The following COPZ1 variants were observed in gnomAD, a reference collection of about 807,000 sequenced individuals.
COPZ1 encodes the protein coatomer subunit zeta-1.
COPZ1 carries 4 observed loss-of-function variants against 31.7 expected under a neutral mutation model. The ratio of observed to expected loss-of-function variants is 0.13; its 90% CI spans 0.06 to 0.29. COPZ1 has a LOEUF of 0.29. Ranked by LOEUF, COPZ1 falls within the 10% of genes least tolerant of loss-of-function variation. The pLI, the probability that COPZ1 is intolerant of heterozygous loss-of-function variation, is 1.00. For missense variants in COPZ1, 156 were observed against 211.5 expected, an observed-to-expected ratio of 0.74 and a Z score of 1.63; for synonymous variants, 74 against 79.0, an observed-to-expected ratio of 0.94 and a Z score of 0.33.
Position 54,346,473 on chromosome 12 carries a change from A to G in COPZ1, c.317+958A>G, listed in dbSNP as rs1376489917. ...TTTTTAGTGGAGACAGGGTTTTACCATGTTGGCCAGGCTGGTCTTGAACTC... is the reference window on the plus strand; with the variant it reads ...TTTTTAGTGGAGACAGGGTTTTACCGTGTTGGCCAGGCTGGTCTTGAACTC... On this transcript the variant is annotated intron_variant, in intron 5 of 8. Transcript: ENST00000262061. 2.3e-5 allele frequency: 12 copies of G among 520,790 alleles called. No homozygotes were observed. In the Middle Eastern group the frequency reaches 1.5e-3, roughly 63 times the overall value. The allele number at this position is 520,790 out of a possible 1,614,324, so 32.3% of individuals were successfully genotyped here. A position where few individuals can be genotyped will look rare whatever the true frequency, so the allele number is the denominator to read the frequency against.
chr12:54,331,327 C>T (rs1953750347), intron 1 of COPZ1, among the ~76,000 whole-genome samples: 1 of 151,824 alleles, frequency 6.6e-6, no homozygotes, highest in Admixed American at 6.6e-5. Context: ...ATTACAGGCC[C>T]CCACCACCAT....
At chr12:54,342,649 A>T (rs545279975) in intron 3 of COPZ1, 2 of 245,792 alleles carry the variant, frequency 8.1e-6, no homozygotes, top group East Asian at 2.2e-4. Context: ...ATCCTGTCTC[A>T]TATACAAGTA....
At chr12:54,336,498 C>T (rs1321721993) in intron 1 of COPZ1, among the ~76,000 whole-genome samples, 1 of 151,716 alleles carries the variant, frequency 6.6e-6, no homozygotes, top group Non-Finnish European at 1.5e-5. Flanking sequence ...GATCGTGCCA[C>T]TGCACTCCAG....
intron 3 of COPZ1, 55 bp downstream of exon 3, chr12:54,342,342 G>T: frequency 1.5e-6 from 2 of 1,318,134 alleles, no homozygotes; most frequent in South Asian, 2.3e-5. Flanking sequence ...TGGTGGAAAG[G>T]GGGTGGTAAC....
intron 7 of COPZ1, 138 bp from the exon 8 acceptor site, chr12:54,349,482 A>G: frequency 1.3e-6 from 1 of 767,286 alleles, no homozygotes. Context: ...ACTAGTCCCT[A>G]GAAGGGACTG....
At chr12:54,340,682 A>T in intron 2 of COPZ1, 67 bp downstream of exon 2, 6 of 1,471,740 alleles carry the variant, frequency 4.1e-6, no homozygotes, top group Non-Finnish European at 5.6e-6. Flanking sequence ...GAATCTTGGG[A>T]CTGATACCTT....
rs759227001 is a variant in COPZ1 at position 54,349,640 on chromosome 12, G to A, written c.468G>A (p.Thr156=). ...VALRGEDVPL[T]EQTVSQVLQS... The stretch of plus-strand genomic sequence containing the variant: ...CATAGGGTGAAGATGTCCCCCTTAC[G>A]GAGCAGACCGTGTCTCAGGTATGAC... The change falls in exon 8 of 9, where the codon ACG becomes ACA. Residue 156 remains threonine, a synonymous_variant. Coordinates refer to ENST00000262061, the MANE Select transcript of COPZ1 (RefSeq NM_016057.3). 3.1e-6 allele frequency: 5 copies of A among 1,612,996 alleles called. No individual in the cohort carries two copies. Among genetic ancestry groups the A allele is most frequent in the East Asian group, 4.5e-5 (2 of 44,894 alleles).
At chr12:54,340,523 G>T in intron 1 of COPZ1, 24 bp from the exon 2 acceptor site, 3 of 1,613,770 alleles carry the variant, frequency 1.9e-6, no homozygotes, top group Non-Finnish European at 2.5e-6. Context: ...CTTCAGGACT[G>T]AAGGTATGTT....
Position 54,350,611 on chromosome 12 carries a change from CAG to C in COPZ1, c.*89_*90del. ...CATCTAGTTCCCCAATCGATGCTCT[CAG>C]GGTCATCTCGGGGATCACAGGGATC... On this transcript the variant is annotated 3_prime_UTR_variant, in exon 9 of 9. Transcript: ENST00000262061. 9.3e-7 allele frequency: 1 copy of C among 1,074,228 alleles called. No individual in the cohort carries two copies. The highest frequency in any genetic ancestry group is 1.2e-5 in the South Asian group (1 of 80,180). 66.5% of individuals were successfully genotyped at this position (1,074,228 alleles called of 1,614,324 possible). A position where few individuals can be genotyped will look rare whatever the true frequency, so the allele number is the denominator to read the frequency against.
At chr12:54,345,181 C>T (rs1404841369) in intron 4 of COPZ1, 1 of 382,710 alleles carries the variant, frequency 2.6e-6, no homozygotes, top group Non-Finnish European at 4.9e-6. Context: ...TCAGGTAACA[C>T]ATATACAGTT....
intron 6 of COPZ1, 40 bp from the exon 7 acceptor site, chr12:54,347,960 C>T (rs550295206): frequency 5.2e-5 from 84 of 1,611,388 alleles, no homozygotes; most frequent in South Asian, 9.9e-5. Context: ...GTTGGGCCTT[C>T]GGGACAGAGT....
chr12:54,338,883 G>C (rs771665307), intron 1 of COPZ1, among the ~76,000 whole-genome samples: 4 of 152,124 alleles, frequency 2.6e-5, no homozygotes, highest in Non-Finnish European at 4.4e-5. Context: ...CCGCAAACAG[G>C]GTTGATTCTT....
chr12:54,334,205 C>G (rs907794257), intron 1 of COPZ1, among the ~76,000 whole-genome samples: 4 of 151,446 alleles, frequency 2.6e-5, no homozygotes, highest in African/African-American at 9.7e-5. Context: ...ACCAGCTTGG[C>G]CAACATGGCG....
At position 54,350,162 on chromosome 12, in the gene COPZ1, A is replaced by G. The variant is rs370770153; in HGVS notation, c.487-314A>G. ...ACTTGGAATTCTCACCAAGAAGTCCATCTGGATTTGTTACCCGCCCCCTGC... is the reference window on the plus strand; with the variant it reads ...ACTTGGAATTCTCACCAAGAAGTCCGTCTGGATTTGTTACCCGCCCCCTGC... On this transcript the variant is annotated intron_variant, in intron 8 of 8. Coordinates refer to ENST00000262061, the MANE Select transcript of COPZ1 (RefSeq NM_016057.3). 1.8e-5 allele frequency: 12 copies of G among 673,876 alleles called. No individual in the cohort carries two copies. The African/African-American group carries it at 1.8e-4, about 10-fold the overall frequency. The allele number at this position is 673,876 out of a possible 1,614,324, so 41.7% of individuals were successfully genotyped here.
At chr12:54,338,395 G>A (rs1043562896) in intron 1 of COPZ1, among the ~76,000 whole-genome samples, 5 of 152,162 alleles carry the variant, frequency 3.3e-5, no homozygotes, top group Non-Finnish European at 7.3e-5. Flanking sequence ...GCTTCTACTT[G>A]TGACCTTTTA....
intron 8 of COPZ1, 73 bp from the exon 9 acceptor site, chr12:54,350,403 A>C: frequency 1.4e-4 from 157 of 1,132,372 alleles, no homozygotes; most frequent in Non-Finnish European, 2.0e-4. Flanking sequence ...AGTGAGGGGA[A>C]GGAGATCCCC....
chr12:54,346,270 C>CT (rs1029430029), intron 5 of COPZ1, among the ~76,000 whole-genome samples: 2,039 of 138,376 alleles, frequency 0.015, 18 homozygotes, highest in Non-Finnish European at 0.024. Flanking sequence ...ATTTTTTTTT[C>CT]TTTTTTTTTT....
chr12:54,330,129 T>C (rs920030518), intron 1 of COPZ1, among the ~76,000 whole-genome samples: 18 of 152,284 alleles, frequency 1.2e-4, no homozygotes, highest in African/African-American at 3.9e-4. Flanking sequence ...TGTGGAGATA[T>C]ATTTCTCAGC....
At chr12:54,343,393 G>C in intron 4 of COPZ1, 77 bp downstream of exon 4, 2 of 1,209,358 alleles carry the variant, frequency 1.7e-6, no homozygotes, top group South Asian at 2.4e-5. Flanking sequence ...ACTGGTTTGG[G>C]GCCCTAATAG....
Sources: allele counts gnomAD v4.1 joint callset (sites outside exome capture counted in the v4.1 genomes callset), GRCh38; gene constraint gnomAD v4.1.1; transcripts MANE v1.5; gene names NCBI Gene and HGNC (gene_info 2026-07-23, HGNC 2026-07-21).